Variants in RUSC2 observed in about 807,000 individuals in gnomAD.
RUSC2 encodes AP-4 complex accessory subunit RUSC2.
In RUSC2, 34 loss-of-function variants were observed where a neutral mutation model predicts 122.2. That is an observed-to-expected ratio of 0.28 (90% CI 0.21 to 0.37). The LOEUF is 0.37. RUSC2 is among the 10% of genes least tolerant of loss of function. The pLI is 1.00. For missense variants in RUSC2, 1,747 were observed against 1,952.4 expected (o/e 0.89, Z 1.98); for synonymous variants, 784 against 790.0 (o/e 0.99, Z 0.13).
intron 1 of RUSC2, among the ~76,000 whole-genome samples, chr9:35,503,135 T>G (rs1174220497): frequency 2.0e-5 from 3 of 152,176 alleles, no homozygotes; most frequent in Admixed American, 1.3e-4. Context: ...GTGCAGGGAT[T>G]ACAGGCGTGA....
At chr9:35,503,403 T>C (rs1820853639) in intron 1 of RUSC2, among the ~76,000 whole-genome samples, 1 of 152,208 alleles carries the variant, frequency 6.6e-6, no homozygotes, top group African/African-American at 2.4e-5. Context: ...AATAGTGGCC[T>C]CCAGCTCCAT....
At position 35,548,587 on chromosome 9, in the gene RUSC2, C is replaced by T. The variant is rs1044390641; in HGVS notation, c.2014+52C>T. The T allele has an allele frequency of 1.3e-6, 2 of 1,524,188 alleles. No individual in the cohort carries two copies. Among genetic ancestry groups the T allele is most frequent in the African/African-American group, 1.4e-5 (1 of 72,926 alleles). The allele number at this position is 1,524,188 out of a possible 1,614,324, so 94.4% of individuals were successfully genotyped here. ...TGTGGCTATTCACCAGCAGGATATG[C>T]ATGGCCACCTCCCTGACAGGTCCCT... On this transcript the variant is annotated intron_variant, in intron 2 of 11. Transcript: ENST00000361226. The surrounding 1 kb of genome is among the most constrained non-coding windows in gnomAD (Gnocchi z 4.5).
chr9:35,510,267 TTTGGGAGGCCGAG>T (rs1380037062), intron 1 of RUSC2, among the ~76,000 whole-genome samples: 2 of 152,190 alleles, frequency 1.3e-5, no homozygotes, highest in Non-Finnish European at 2.9e-5. Context: ...ATTCCAGAAC[TTTGGGAGGCCGAG>T]GTGGGAGGAT....
intron 1 of RUSC2, among the ~76,000 whole-genome samples, chr9:35,531,992 C>T (rs1166413881): frequency 1.3e-5 from 2 of 152,154 alleles, no homozygotes; most frequent in Admixed American, 1.3e-4. Context: ...TGCCACTGCA[C>T]TCCAGCCTGG....
At chr9:35,545,951 A>T (rs1302027718) in intron 1 of RUSC2, among the ~76,000 whole-genome samples, 1 of 152,190 alleles carries the variant, frequency 6.6e-6, no homozygotes, top group East Asian at 1.9e-4. Context: ...GCAAAATTAT[A>T]GCTTATTGCT....
chr9:35,560,126 C>T lies in RUSC2; in HGVS notation c.3486C>T (p.Pro1162=), dbSNP rs753344319. Residue 1162 remains proline (P), a synonymous_variant, in exon 10 of 12, where the codon CCC becomes CCT. Transcript: ENST00000361226. ...LFEELLLLLQ[P]LALLPFSLDL... ...AAGAGCTGCTGCTGCTGCTACAGCCCCTGGCCCTGCTGCCCTTCAGCCTCG... is the reference window on the plus strand; with the variant it reads ...AAGAGCTGCTGCTGCTGCTACAGCCTCTGGCCCTGCTGCCCTTCAGCCTCG... 4 of 1,612,028 alleles carry T rather than the reference C, an allele frequency of 2.5e-6. No individual in the cohort carries two copies. The South Asian group carries it at 4.4e-5, about 18-fold the overall frequency.
At chr9:35,535,437 A>T (rs199827376) in intron 1 of RUSC2, among the ~76,000 whole-genome samples, 4 of 144,390 alleles carry the variant, frequency 2.8e-5, no homozygotes, top group South Asian at 2.2e-4. Context: ...TTTTTGATAG[A>T]TTTTTTTTTT....
At chr9:35,514,784 G>A (rs1047236073) in intron 1 of RUSC2, among the ~76,000 whole-genome samples, 5 of 152,060 alleles carry the variant, frequency 3.3e-5, no homozygotes, top group African/African-American at 1.2e-4. Flanking sequence ...TTTTTTGCTC[G>A]GCTATCTCTA....
intron 2 of RUSC2, among the ~76,000 whole-genome samples, chr9:35,549,964 C>A (rs186211686): frequency 4.5e-4 from 68 of 152,238 alleles, no homozygotes; most frequent in Non-Finnish European, 6.6e-4. Context: ...GTAATCCCAG[C>A]ACTTTGGGAG....
Position 35,556,357 on chromosome 9 carries a change from C to G in RUSC2, c.2892C>G (p.Pro964=), listed in dbSNP as rs1020897140. 7.4e-6 allele frequency: 12 copies of G among 1,614,134 alleles called. No individual in the cohort carries two copies. Among genetic ancestry groups the G allele is most frequent in the Non-Finnish European group, 1.0e-5 (12 of 1,180,052 alleles). ...TGACCTGCCCTGACTTCCAGGACCC[C>G]TTTTCCTTGACGGAGAAGCCTCCAG... ...LPLTCPDFQD[P]FSLTEKPPAE... The change falls in exon 5 of 12, where the codon CCC becomes CCG. Residue 964 remains proline (P), a synonymous_variant. Coordinates refer to ENST00000361226, the MANE Select transcript of RUSC2 (RefSeq NM_014806.5).
In RUSC2 at chr9:35,546,785, T is replaced by C. The variant is rs183265021; in HGVS notation, c.264T>C (p.Ser88=). 3 of 1,607,462 alleles carry C rather than the reference T, an allele frequency of 1.9e-6. No individual in the cohort carries two copies. In the Admixed American group the frequency reaches 5.1e-5, roughly 27 times the overall value. The change falls in exon 2 of 12, where the codon AGT becomes AGC. Residue 88 remains serine, a synonymous_variant. Transcript: ENST00000361226. This position sits in a 1 kb window ranked among gnomAD's most constrained non-coding sequence, Gnocchi z 4.3. ...CTATAGACAGCACCAAGAGTAGGAG[T>C]CGGGATGGAAGAGGCCCTGGAGCCC... ...ARSIDSTKSR[S]RDGRGPGAPK...
Position 35,542,237 on chromosome 9 carries a change from TG to T in RUSC2, c.-92-4192del, listed in dbSNP as rs376280930. Among the ~76,000 whole-genome samples the T allele has an allele frequency of 6.4e-4, 97 of 152,274 alleles. No individual in the cohort carries two copies. The East Asian group carries it at 0.016, about 26-fold the overall frequency. On this transcript the variant is annotated intron_variant, in intron 1 of 11. Transcript: ENST00000361226. ...TGAGATACAAAAGCATAAAATAAAA[TG>T]AAATCAATCAGTGAAAGAGCTTGAC...
Position 35,558,166 on chromosome 9 carries a change from G to A in RUSC2, c.3061-31G>A. ...AGAGGACCACAGTCAGGCCTGAGGG[G>A]GTTTCCTGCACTTCCCTACCACACC... On this transcript the variant is annotated intron_variant, in intron 6 of 11. Transcript: ENST00000361226. This position sits in a 1 kb window ranked among gnomAD's most constrained non-coding sequence, Gnocchi z 4.3. 1 of 1,606,314 alleles carries A rather than the reference G, an allele frequency of 6.2e-7. No homozygotes were observed. The highest frequency in any genetic ancestry group is 8.5e-7 in the Non-Finnish European group (1 of 1,176,794).
At chr9:35,554,640 G>C (rs1563872791) in intron 2 of RUSC2, among the ~76,000 whole-genome samples, 1 of 152,226 alleles carries the variant, frequency 6.6e-6, no homozygotes, top group Non-Finnish European at 1.5e-5. Context: ...AGCGGTTATA[G>C]CACATTTTAA....
In RUSC2 at chr9:35,555,660, G is replaced by A. The variant is rs140042742; in HGVS notation, c.2615G>A (p.Arg872Gln). Residue 872 changes from arginine to glutamine, a missense_variant, in exon 3 of 12, where the codon CGG becomes CAG. Transcript: ENST00000361226. The surrounding 1 kb of genome is among the most constrained non-coding windows in gnomAD (Gnocchi z 4.6). ...SGLSRAESLA[R>Q]GGGEGSMATR... is the part of the protein sequence containing the mutation. ...CTCAGCCGAGCAGAGAGCCTGGCCC[G>A]GGGAGGTGGTGAGGGCAGCATGGCC... is the stretch of plus-strand genomic sequence containing the variant. 769 of 1,605,184 alleles carry A rather than the reference G, an allele frequency of 4.8e-4. 1 individual carries two copies. The highest frequency in any genetic ancestry group is 5.8e-4 in the Non-Finnish European group (680 of 1,179,500).
intron 5 of RUSC2, among the ~76,000 whole-genome samples, chr9:35,556,781 C>T (rs2131698809): frequency 6.6e-6 from 1 of 152,308 alleles, no homozygotes; most frequent in Non-Finnish European, 1.5e-5. Context: ...GAGCCAAGAT[C>T]ACACCATTGC....
chr9:35,525,988 T>C (rs1268005214), intron 1 of RUSC2, among the ~76,000 whole-genome samples: 1 of 152,056 alleles, frequency 6.6e-6, no homozygotes, highest in Admixed American at 6.6e-5. Flanking sequence ...ACTGCTTGGG[T>C]GGTGGCCATG....
rs544797957 is a variant in RUSC2 at position 35,515,999 on chromosome 9, CAAAAAAAAAA to C, written c.-93+25842_-93+25851del. Among the ~76,000 whole-genome samples the C allele has an allele frequency of 1.1e-4, 5 of 47,216 alleles. No homozygotes were observed. In the East Asian group the frequency reaches 1.3e-3, roughly 12 times the overall value. The allele number at this position is 47,216 out of a possible 152,430, so 31.0% of individuals were successfully genotyped here. A position where few individuals can be genotyped will look rare whatever the true frequency, so the allele number is the denominator to read the frequency against. ...GAGCGACACAGCGAGATTCTTGTCTCAAAAAAAAAAAAAAAAAAAAAAAAGAGAAATGCGC... is the reference window on the plus strand; with the variant it reads ...GAGCGACACAGCGAGATTCTTGTCTCAAAAAAAAAAAAAAGAGAAATGCGC... On this transcript the variant is annotated intron_variant, in intron 1 of 11. Transcript: ENST00000361226.
chr9:35,555,176 CG>C lies in RUSC2; in HGVS notation c.2134del (p.Ala712ProfsTer130), dbSNP rs1563873029. On this transcript the variant is annotated frameshift_variant, in exon 3 of 12. Transcript: ENST00000361226. LOFTEE classifies it high-confidence loss of function. The surrounding 1 kb of genome is among the most constrained non-coding windows in gnomAD (Gnocchi z 4.6). ...CTTCCCCAAGCAGCTGGCCAAGGCC[CG>C]GGCCCTCCACAGCCTTTCCCAGCTC... The part of the protein sequence containing the change: ...HHFPKQLAKA[R>X]ALHSLSQLYS... 1 of 1,613,728 alleles carries C rather than the reference CG, an allele frequency of 6.2e-7. No individual in the cohort carries two copies. The highest frequency in any genetic ancestry group is 1.3e-5 in the African/African-American group (1 of 75,036).
Sources: gnomAD v4.1 joint callset for allele counts (sites outside exome capture counted in the v4.1 genomes callset) on GRCh38, gnomAD v4.1.1 for gene constraint, Gnocchi (gnomAD v3.1) non-coding constraint, MANE v1.5 for transcripts, NCBI Gene and HGNC (gene_info 2026-07-23, HGNC 2026-07-21) for gene names.